The following NCS1 variants were observed in gnomAD, a reference collection of about 807,000 sequenced individuals.
NCS1 encodes the protein neuronal calcium sensor 1, also known as frequenin homolog.
In NCS1, 6 loss-of-function variants were observed where a neutral mutation model predicts 28.4. The observed-to-expected ratio is 0.21, with a 90% CI of 0.12 to 0.42. The LOEUF (loss-of-function observed/expected upper bound fraction) is 0.42. Ranked by LOEUF, NCS1 falls within the 10% of genes least tolerant of loss-of-function variation. The probability of loss-of-function intolerance (pLI) is 1.00; values close to 1 mark genes in which losing one functional copy is unlikely to be tolerated. For synonymous variants in NCS1, 86 were observed against 99.3 expected, an observed-to-expected ratio of 0.87 and a Z score of 0.79; for missense variants, 131 against 241.4, an observed-to-expected ratio of 0.54 and a Z score of 3.03.
At chr9:130,203,640 G>T (rs970796329) in intron 2 of NCS1, among the ~76,000 whole-genome samples, 1 of 152,184 alleles carries the variant, frequency 6.6e-6, no homozygotes, top group African/African-American at 2.4e-5. Context: ...AGGGGACTGG[G>T]GGCTAAGGAG....
Position 130,215,242 on chromosome 9 carries a change from G to T in NCS1, c.90-2590G>T, listed in dbSNP as rs1261014522. Reference sequence around the variant, plus strand: ...CCCAGGGGCCCATCCTGGCCTGGGAGTCTGGAGTCATGGGCCAGGCTGAAA... The same window carrying T: ...CCCAGGGGCCCATCCTGGCCTGGGATTCTGGAGTCATGGGCCAGGCTGAAA... On this transcript the variant is annotated intron_variant, in intron 2 of 7. Transcript: ENST00000372398. This position sits in a 1 kb window ranked among gnomAD's most constrained non-coding sequence, Gnocchi z 4.2. 1.3e-5 allele frequency among the ~76,000 whole-genome samples: 2 copies of T among 152,218 alleles called. No individual in the cohort carries two copies. The highest frequency in any genetic ancestry group is 4.8e-5 in the African/African-American group (2 of 41,452).
chr9:130,173,198 G>GT (rs1832513416), intron 1 of NCS1, among the ~76,000 whole-genome samples: 1 of 127,308 alleles, frequency 7.9e-6, no homozygotes, highest in Non-Finnish European at 1.6e-5. Flanking sequence ...CCCCGTTCGT[G>GT]TGGGGGGGGG....
chr9:130,205,184 C>T (rs1554907912), intron 2 of NCS1, among the ~76,000 whole-genome samples: 12 of 151,912 alleles, frequency 7.9e-5, no homozygotes. Flanking sequence ...GGTGGTGGAA[C>T]TTGGGTCATA....
In NCS1 at chr9:130,191,605, C is replaced by T. The variant is rs77949928; in HGVS notation, c.65-9353C>T. ...GCTCCCCTGATGAGCCCAGGTGCCT[C>T]ATCCTGAGACAGATACAGCAACAGC... On this transcript the variant is annotated intron_variant, in intron 1 of 7. Coordinates refer to ENST00000372398, the MANE Select transcript of NCS1 (RefSeq NM_014286.4). This position sits in a 1 kb window ranked among gnomAD's most constrained non-coding sequence, Gnocchi z 6.4. Among the ~76,000 whole-genome samples the T allele has an allele frequency of 0.023, 3,527 of 152,290 alleles. 62 individuals carry two copies. Among genetic ancestry groups the T allele is most frequent in the Admixed American group, 0.047 (722 of 15,300 alleles).
intron 1 of NCS1, among the ~76,000 whole-genome samples, chr9:130,184,967 G>A (rs1290306325): frequency 2.0e-5 from 3 of 150,154 alleles, no homozygotes; most frequent in East Asian, 2.0e-4. Flanking sequence ...CCGAGACTCC[G>A]TCTCAAAAAA....
chr9:130,183,880 G>A (rs193048861), intron 1 of NCS1, among the ~76,000 whole-genome samples: 2 of 150,918 alleles, frequency 1.3e-5, no homozygotes, highest in East Asian at 2.0e-4. Context: ...CATGATCTCG[G>A]CCCACTGCAA....
rs1161891059 is a variant in NCS1 at position 130,191,646 on chromosome 9, C to T, written c.65-9312C>T. Among the ~76,000 whole-genome samples, 1 of 152,188 alleles carries T rather than the reference C, an allele frequency of 6.6e-6. No homozygotes were observed. The highest frequency in any genetic ancestry group is 2.4e-5 in the African/African-American group (1 of 41,454). ...CAGCAACAGCCCATGGCCCCCTGGG[C>T]TGTGTGAGACGCTAATGAAATGAGG... is the stretch of plus-strand genomic sequence containing the variant. On this transcript the variant is annotated intron_variant, in intron 1 of 7. Transcript: ENST00000372398. This position sits in a 1 kb window ranked among gnomAD's most constrained non-coding sequence, Gnocchi z 6.4.
In NCS1 at chr9:130,215,318, G is replaced by A. The variant is rs1325956380; in HGVS notation, c.90-2514G>A. ...AGAAGGCAGGTTTAAGGGCCAGGAC[G>A]GGGGTGGCTGTGTCCCTTCCTCCTG... On this transcript the variant is annotated intron_variant, in intron 2 of 7. Coordinates refer to ENST00000372398, the MANE Select transcript of NCS1 (RefSeq NM_014286.4). This position sits in a 1 kb window ranked among gnomAD's most constrained non-coding sequence, Gnocchi z 4.2. Among the ~76,000 whole-genome samples, 2 of 152,264 alleles carry A rather than the reference G, an allele frequency of 1.3e-5. No individual in the cohort carries two copies. The highest frequency in any genetic ancestry group is 4.1e-4 in the South Asian group (2 of 4,828).
chr9:130,229,475 G>A (rs976101731), intron 7 of NCS1, among the ~76,000 whole-genome samples: 5 of 151,986 alleles, frequency 3.3e-5, no homozygotes, highest in East Asian at 1.9e-4. Context: ...GGCTGGTCTC[G>A]AACTCCTGAC....
At chr9:130,184,193 T>C (rs1832709906) in intron 1 of NCS1, among the ~76,000 whole-genome samples, 2 of 152,134 alleles carry the variant, frequency 1.3e-5, no homozygotes, top group Admixed American at 6.6e-5. Context: ...AATCCTTTGC[T>C]CTCCACTTCT....
At position 130,172,642 on chromosome 9, in the gene NCS1, G is replaced by A. The variant is rs782255693; in HGVS notation, c.-22G>A. ...CCCCAACCGGGTCCGGCCCGGGGGG[G>A]CGGGGGCCGCGGCCGCCGAGGATGG... On this transcript the variant is annotated 5_prime_UTR_variant, in exon 1 of 8. Transcript: ENST00000372398. 3 of 1,430,386 alleles carry A rather than the reference G, an allele frequency of 2.1e-6. No homozygotes were observed. The highest frequency in any genetic ancestry group is 3.3e-5 in the East Asian group (1 of 30,032). 88.6% of individuals were successfully genotyped at this position (1,430,386 alleles called of 1,614,324 possible).
intron 1 of NCS1, among the ~76,000 whole-genome samples, chr9:130,189,879 A>AAAAT (rs1554906056): frequency 7.9e-5 from 3 of 37,750 alleles, no homozygotes; most frequent in African/African-American, 3.5e-4. Context: ...AAAAAAAAAA[A>AAAAT]ATATATATAT....
Position 130,219,732 on chromosome 9 carries a change from G to A in NCS1, c.236G>A (p.Arg79Gln), listed in dbSNP as rs200938140. The change falls in exon 4 of 8, where the codon CGA (arginine) becomes CAA (glutamine). Residue 79 changes from arginine to glutamine, a missense_variant. This residue lies in a region of NCS1 where 100 missense variants were observed against 210.3 expected (regional missense o/e 0.48). Coordinates refer to ENST00000372398, the MANE Select transcript of NCS1 (RefSeq NM_014286.4). This position sits in a 1 kb window ranked among gnomAD's most constrained non-coding sequence, Gnocchi z 5.7. ...CCCTCTCTCTCCTGTCAGGACGGGCGAATTGAGTTCTCCGAGTTCATCCAG... is the reference window on the plus strand; with the variant it reads ...CCCTCTCTCTCCTGTCAGGACGGGCAAATTGAGTTCTCCGAGTTCATCCAG... Reference protein sequence around the residue: ...FNVFDENKDGRIEFSEFIQAL... With the variant: ...FNVFDENKDGQIEFSEFIQAL... 7 of 1,614,212 alleles carry A rather than the reference G, an allele frequency of 4.3e-6. No homozygotes were observed. Among genetic ancestry groups the A allele is most frequent in the Non-Finnish European group, 5.1e-6 (6 of 1,180,036 alleles).
chr9:130,236,727 A>T lies in NCS1; in HGVS notation c.*3755A>T, dbSNP rs1306843506. The T allele has an allele frequency of 6.6e-6, 1 of 152,126 alleles. No homozygotes were observed. The highest frequency in any genetic ancestry group is 1.5e-5 in the Non-Finnish European group (1 of 68,010). The allele number at this position is 152,126 out of a possible 1,614,324, so 9.4% of individuals were successfully genotyped here. A position where few individuals can be genotyped will look rare whatever the true frequency, so the allele number is the denominator to read the frequency against. On this transcript the variant is annotated 3_prime_UTR_variant, in exon 8 of 8. Coordinates refer to ENST00000372398, the MANE Select transcript of NCS1 (RefSeq NM_014286.4). Reference sequence around the variant, plus strand: ...CCCCGAGTCGCCCTCCCCAGTCTGCACATTCCCTGTTGTCCCTGTTCCTGC... The same window carrying T: ...CCCCGAGTCGCCCTCCCCAGTCTGCTCATTCCCTGTTGTCCCTGTTCCTGC...
chr9:130,213,205 CCTGT>C (rs1833137058), intron 2 of NCS1, among the ~76,000 whole-genome samples: 1 of 152,218 alleles, frequency 6.6e-6, no homozygotes, highest in Non-Finnish European at 1.5e-5. Context: ...TGACTTTCGG[CCTGT>C]CTCTCTCCCT....
intron 2 of NCS1, among the ~76,000 whole-genome samples, chr9:130,208,283 C>A (rs916456978): frequency 6.6e-6 from 1 of 151,536 alleles, no homozygotes; most frequent in Non-Finnish European, 1.5e-5. Context: ...AACTTTTCTG[C>A]AACTATTTTT....
At chr9:130,227,140 C>A (rs1554911517) in intron 7 of NCS1, among the ~76,000 whole-genome samples, 1 of 151,914 alleles carries the variant, frequency 6.6e-6, no homozygotes, top group African/African-American at 2.4e-5. Context: ...AATTTCTTAT[C>A]CCCTCTCTGA....
chr9:130,175,477 C>T lies in NCS1; in HGVS notation c.64+2750C>T, dbSNP rs1303373513. On this transcript the variant is annotated intron_variant, in intron 1 of 7. Coordinates refer to ENST00000372398, the MANE Select transcript of NCS1 (RefSeq NM_014286.4). This position sits in a 1 kb window ranked among gnomAD's most constrained non-coding sequence, Gnocchi z 4.9. ...TGGCTGGGGCCCAGGAATTTGCATC[C>T]TTGACACGTGTTTGTGCTGCAGATG... 6.6e-6 allele frequency among the ~76,000 whole-genome samples: 1 copy of T among 152,180 alleles called. No homozygotes were observed. Among genetic ancestry groups the T allele is most frequent in the African/African-American group, 2.4e-5 (1 of 41,458 alleles).
At chr9:130,221,057 T>C (rs552643436) in intron 4 of NCS1, among the ~76,000 whole-genome samples, 3 of 152,074 alleles carry the variant, frequency 2.0e-5, no homozygotes, top group Non-Finnish European at 4.4e-5. Context: ...AGAGTCTCGC[T>C]CTGTTGCTCA....
Sources: gnomAD v4.1 joint callset for allele counts (sites outside exome capture counted in the v4.1 genomes callset) on GRCh38, gnomAD v4.1.1 for gene constraint, gnomAD v4.1.1 regional missense constraint, Gnocchi (gnomAD v3.1) non-coding constraint, MANE v1.5 for transcripts, NCBI Gene and HGNC (gene_info 2026-07-23, HGNC 2026-07-21) for gene names.